The following DRC11 variants were observed in gnomAD, a reference collection of about 807,000 sequenced individuals.
DRC11 encodes IQ and AAA domain-containing protein 1.
At chr2:236,365,071 C>T in the DRC11 span, among the ~76,000 whole-genome samples, 1 of 152,054 alleles carries the variant, frequency 6.6e-6, no homozygotes, top group Non-Finnish European at 1.5e-5. This position sits in a 1 kb window ranked among gnomAD's most constrained non-coding sequence, Gnocchi z 7.4. Context: ...CATTCATTTG[C>T]CCTGCGTTGG....
the DRC11 span, chr2:236,497,078 T>C: frequency 8.5e-6 from 9 of 1,062,436 alleles, no homozygotes; most frequent in Non-Finnish European, 1.1e-5. The surrounding 1 kb of genome is among the most constrained non-coding windows in gnomAD (Gnocchi z 5.1). Context: ...ACAGGAAGTC[T>C]GTAGAGTATC....
the DRC11 span, among the ~76,000 whole-genome samples, chr2:236,442,016 AC>A: frequency 2.0e-5 from 3 of 152,168 alleles, no homozygotes; most frequent in African/African-American, 7.2e-5. Flanking sequence ...TGGGAGGATC[AC>A]TTGAGTCCAG....
the DRC11 span, chr2:236,392,371 G>T: frequency 7.8e-7 from 1 of 1,284,866 alleles, no homozygotes; most frequent in Non-Finnish European, 1.1e-6. This position sits in a 1 kb window ranked among gnomAD's most constrained non-coding sequence, Gnocchi z 5.1. Flanking sequence ...GAAGGGTAAA[G>T]AAAAAGAAAA....
At chr2:236,341,797 C>T in the DRC11 span, among the ~76,000 whole-genome samples, 2 of 152,308 alleles carry the variant, frequency 1.3e-5, no homozygotes, top group South Asian at 2.1e-4. Flanking sequence ...TTCTGAATCC[C>T]AGCATGACCC....
At chr2:236,422,733 C>T in the DRC11 span, among the ~76,000 whole-genome samples, 247 of 152,208 alleles carry the variant, frequency 1.6e-3, no homozygotes, top group African/African-American at 5.6e-3. Context: ...AAAAGGAGCC[C>T]GCATTGCCAA....
chr2:236,491,271 T>TATATATATATATAC, the DRC11 span, among the ~76,000 whole-genome samples: 20 of 67,450 alleles, frequency 3.0e-4, no homozygotes, highest in African/African-American at 1.2e-3. Flanking sequence ...TATATATATA[T>TATATATATATATAC]ACACACAGTA....
the DRC11 span, among the ~76,000 whole-genome samples, chr2:236,430,007 CTTGAGTTCCTCAGCAGGGCTG>C: frequency 1.1e-4 from 17 of 152,188 alleles, no homozygotes; most frequent in Admixed American, 5.2e-4. This position sits in a 1 kb window ranked among gnomAD's most constrained non-coding sequence, Gnocchi z 6.0. Context: ...GTGTGGTGGT[CTTGAGTTCCTCAGCAGGGCTG>C]TTGAGTTCCT....
At chr2:236,468,798 C>A in the DRC11 span, among the ~76,000 whole-genome samples, 1 of 152,122 alleles carries the variant, frequency 6.6e-6, no homozygotes, top group South Asian at 2.1e-4. Flanking sequence ...TTTCTTTTTG[C>A]CTCTGATGAA....
chr2:236,409,162 A>C, the DRC11 span: 2 of 328,006 alleles, frequency 6.1e-6, no homozygotes, highest in African/African-American at 2.2e-5. Context: ...GCTAGAGTGC[A>C]GTGGTGCAAT....
the DRC11 span, among the ~76,000 whole-genome samples, chr2:236,447,740 T>C: frequency 6.6e-6 from 1 of 152,164 alleles, no homozygotes; most frequent in Non-Finnish European, 1.5e-5. The surrounding 1 kb of genome is among the most constrained non-coding windows in gnomAD (Gnocchi z 4.6). Flanking sequence ...ACACAGATAG[T>C]CCAGGTTATA....
At chr2:236,432,189 C>G in the DRC11 span, among the ~76,000 whole-genome samples, 1 of 152,124 alleles carries the variant, frequency 6.6e-6, no homozygotes, top group Admixed American at 6.5e-5. Flanking sequence ...TGTTGAACAT[C>G]TTTTCATGTT....
At chr2:236,446,656 G>A in the DRC11 span, among the ~76,000 whole-genome samples, 1 of 152,212 alleles carries the variant, frequency 6.6e-6, no homozygotes, top group East Asian at 1.9e-4. This position sits in a 1 kb window ranked among gnomAD's most constrained non-coding sequence, Gnocchi z 6.2. Context: ...GGGACCCACA[G>A]GCCGAATGCC....
the DRC11 span, among the ~76,000 whole-genome samples, chr2:236,405,451 T>G: frequency 6.6e-6 from 1 of 151,850 alleles, no homozygotes; most frequent in Non-Finnish European, 1.5e-5. This position sits in a 1 kb window ranked among gnomAD's most constrained non-coding sequence, Gnocchi z 4.6. Flanking sequence ...GGGCCTTGCT[T>G]TCTCTGGGGC....
the DRC11 span, among the ~76,000 whole-genome samples, chr2:236,321,334 G>A: frequency 3.3e-5 from 5 of 152,132 alleles, no homozygotes; most frequent in East Asian, 1.9e-4. Context: ...AATGAGGCCC[G>A]TCTGTATGTG....
chr2:236,418,035 A>G, the DRC11 span, among the ~76,000 whole-genome samples: 5 of 152,148 alleles, frequency 3.3e-5, no homozygotes, highest in Non-Finnish European at 5.9e-5. Context: ...GCTGCAGTAA[A>G]CACACGTGTG....
chr2:236,442,012 G>C, the DRC11 span, among the ~76,000 whole-genome samples: 1 of 152,054 alleles, frequency 6.6e-6, no homozygotes, highest in Admixed American at 6.6e-5. Context: ...GAGGTGGGAG[G>C]ATCACTTGAG....
chr2:236,363,422 G>T, the DRC11 span, among the ~76,000 whole-genome samples: 1 of 152,214 alleles, frequency 6.6e-6, no homozygotes, highest in African/African-American at 2.4e-5. This position sits in a 1 kb window ranked among gnomAD's most constrained non-coding sequence, Gnocchi z 5.6. Flanking sequence ...CCCATGTCAT[G>T]TGAGGAAGAA....
the DRC11 span, chr2:236,503,535 G>A: frequency 8.4e-7 from 1 of 1,191,786 alleles, no homozygotes. The surrounding 1 kb of genome is among the most constrained non-coding windows in gnomAD (Gnocchi z 4.9). Flanking sequence ...ACTGCAGTCT[G>A]TCTGGGGAAT....
the DRC11 span, among the ~76,000 whole-genome samples, chr2:236,366,160 C>T: frequency 5.3e-5 from 8 of 152,166 alleles, no homozygotes; most frequent in Non-Finnish European, 8.8e-5. Context: ...GGCAGTAATA[C>T]CTCCAGGAGG....
Sources: allele counts gnomAD v4.1 joint callset (sites outside exome capture counted in the v4.1 genomes callset), GRCh38; gene constraint gnomAD v4.1.1; non-coding constraint Gnocchi (gnomAD v3.1); transcripts MANE v1.5; gene names NCBI Gene and HGNC (gene_info 2026-07-23, HGNC 2026-07-21).